PIAS1: variants seen among roughly 807,000 people sequenced by gnomAD.
The protein encoded by PIAS1 is E3 SUMO-protein ligase PIAS1.
PIAS1 carries 6 observed loss-of-function variants against 71.3 expected under a neutral mutation model. The ratio of observed to expected loss-of-function variants is 0.08; its 90% CI spans 0.05 to 0.17. The LOEUF (loss-of-function observed/expected upper bound fraction) is 0.17, where lower values mean the gene tolerates loss of function less well. Among genes scored for constraint, PIAS1 ranks in the 10% least tolerant of loss-of-function variants. The pLI, the probability that PIAS1 is intolerant of heterozygous loss-of-function variation, is 1.00. For missense variants in PIAS1, 555 were observed against 793.6 expected (o/e 0.70, Z 3.61); for synonymous variants, 303 against 292.9 (o/e 1.03, Z -0.35).
chr15:68,058,014 C>T (rs1189645956), intron 1 of PIAS1, among the ~76,000 whole-genome samples: 3 of 152,210 alleles, frequency 2.0e-5, no homozygotes, highest in Non-Finnish European at 4.4e-5. Flanking sequence ...TCCTGGTGAA[C>T]TCCATCAGCA....
chr15:68,092,935 G>A (rs74723442), intron 2 of PIAS1, among the ~76,000 whole-genome samples: 3,187 of 152,274 alleles, frequency 0.021, 113 homozygotes, highest in African/African-American at 0.072. Flanking sequence ...AGCCAATCTA[G>A]TTGAAACCAG....
chr15:68,138,893 G>C (rs990241400), intron 2 of PIAS1, among the ~76,000 whole-genome samples: 2 of 152,182 alleles, frequency 1.3e-5, no homozygotes, highest in Non-Finnish European at 1.5e-5. Context: ...ATTGGAAAGG[G>C]AGGGGCATAT....
rs150183063 is a variant in PIAS1 at position 68,057,428 on chromosome 15, G to T, written c.24+3078G>T. 1,618 of 400,150 alleles carry T rather than the reference G, an allele frequency of 4.0e-3. 9 individuals carry two copies. Among genetic ancestry groups the T allele is most frequent in the Middle Eastern group, 0.015 (42 of 2,726 alleles). 24.8% of individuals were successfully genotyped at this position (400,150 alleles called of 1,614,324 possible). On this transcript the variant is annotated intron_variant, in intron 1 of 13. Transcript: ENST00000249636. ...TAAAGTAATTTAAAAAAAAATATGT[G>T]TTTTTTTGGAGTAAAACTCAAACCA...
At chr15:68,165,467 T>G (rs1256208279) in intron 8 of PIAS1, among the ~76,000 whole-genome samples, 1 of 152,186 alleles carries the variant, frequency 6.6e-6, no homozygotes, top group East Asian at 1.9e-4. Flanking sequence ...AATCTAGCCA[T>G]GATTACCCAC....
At chr15:68,109,145 T>C (rs1357349100) in intron 2 of PIAS1, among the ~76,000 whole-genome samples, 2 of 152,188 alleles carry the variant, frequency 1.3e-5, no homozygotes, top group East Asian at 3.8e-4. Flanking sequence ...TGCTCTTGTC[T>C]TGGGCCTTGG....
intron 2 of PIAS1, among the ~76,000 whole-genome samples, chr15:68,120,370 A>G (rs2092603233): frequency 6.6e-6 from 1 of 150,680 alleles, no homozygotes; most frequent in Non-Finnish European, 1.5e-5. Flanking sequence ...CTTGGTATTT[A>G]TTTTCTTTTT....
At chr15:68,130,194 G>GTTTT (rs1567055444) in intron 2 of PIAS1, among the ~76,000 whole-genome samples, 238 of 151,734 alleles carry the variant, frequency 1.6e-3, no homozygotes, top group African/African-American at 5.5e-3. Context: ...TTAAAAATAG[G>GTTTT]AAAAAAGGTG....
rs1229981295 is a variant in PIAS1 at position 68,171,704 on chromosome 15, GA to G, written c.1009-2027del. Among the ~76,000 whole-genome samples the G allele has an allele frequency of 3.9e-5, 6 of 152,128 alleles. No homozygotes were observed. The highest frequency in any genetic ancestry group is 8.8e-5 in the Non-Finnish European group (6 of 68,032). Reference sequence around the variant, plus strand: ...TAGTGTTAATTTAGAGAAAGTAAAAGAGGCCCAGAAAGGCTAAATGCCTTTC... The same window carrying G: ...TAGTGTTAATTTAGAGAAAGTAAAAGGGCCCAGAAAGGCTAAATGCCTTTC... On this transcript the variant is annotated intron_variant, in intron 8 of 13. Coordinates refer to ENST00000249636, the MANE Select transcript of PIAS1 (RefSeq NM_016166.3). The surrounding 1 kb of genome is among the most constrained non-coding windows in gnomAD (Gnocchi z 4.4).
chr15:68,169,474 G>T (rs2092977159), intron 8 of PIAS1, among the ~76,000 whole-genome samples: 1 of 152,202 alleles, frequency 6.6e-6, no homozygotes, highest in Non-Finnish European at 1.5e-5. Context: ...AGGAGTTTGA[G>T]ACCGGTGTGG....
chr15:68,114,825 TA>T (rs1440214015), intron 2 of PIAS1, among the ~76,000 whole-genome samples: 1 of 152,098 alleles, frequency 6.6e-6, no homozygotes, highest in Admixed American at 6.6e-5. Context: ...TGGAACAATA[TA>T]AAAGATGAAA....
intron 7 of PIAS1, among the ~76,000 whole-genome samples, chr15:68,158,098 C>A (rs2092902987): frequency 6.6e-6 from 1 of 152,156 alleles, no homozygotes; most frequent in Non-Finnish European, 1.5e-5. Flanking sequence ...CATTCCCTTG[C>A]ATTTCATGGC....
chr15:68,188,801 A>C lies in PIAS1; in HGVS notation c.*966A>C, dbSNP rs528076004. On this transcript the variant is annotated 3_prime_UTR_variant, in exon 14 of 14. Transcript: ENST00000249636. ...TTTGGCCACAGAGTAACAAGTTTTC[A>C]TGTAAGATCTTCATACCAAAGTAGG... 3.9e-5 allele frequency: 6 copies of C among 152,202 alleles called. No individual in the cohort carries two copies. Among genetic ancestry groups the C allele is most frequent in the Admixed American group, 1.3e-4 (2 of 15,286 alleles). 9.4% of individuals were successfully genotyped at this position (152,202 alleles called of 1,614,324 possible).
At position 68,179,564 on chromosome 15, in the gene PIAS1, CTTTTTTTTTTTTT is replaced by C. The variant is rs766344324; in HGVS notation, c.1482-1632_1482-1620del. On this transcript the variant is annotated intron_variant, in intron 11 of 13. Coordinates refer to ENST00000249636, the MANE Select transcript of PIAS1 (RefSeq NM_016166.3). ...CAACCTTGTCATCTCGTGAAATGTT[CTTTTTTTTTTTTT>C]TTTTTTTTTTTTTTTGAGACAGAGT... Among the ~76,000 whole-genome samples, 10 of 40,110 alleles carry C rather than the reference CTTTTTTTTTTTTT, an allele frequency of 2.5e-4. No individual in the cohort carries two copies. In the East Asian group the frequency reaches 5.0e-3, roughly 20 times the overall value. The allele number at this position is 40,110 out of a possible 152,430, so 26.3% of individuals were successfully genotyped here.
chr15:68,125,853 T>C (rs927564106), intron 2 of PIAS1, among the ~76,000 whole-genome samples: 1 of 152,044 alleles, frequency 6.6e-6, no homozygotes, highest in Non-Finnish European at 1.5e-5. Flanking sequence ...GCCTGTGTTA[T>C]CATGCCTGGC....
chr15:68,062,210 GATA>G (rs374647396), intron 1 of PIAS1, among the ~76,000 whole-genome samples: 2 of 152,292 alleles, frequency 1.3e-5, no homozygotes, highest in African/African-American at 4.8e-5. Flanking sequence ...AAGTTATAGA[GATA>G]ATAAGTGACT....
intron 6 of PIAS1, among the ~76,000 whole-genome samples, chr15:68,151,330 C>T (rs28618219): frequency 0.011 from 1,703 of 151,964 alleles, 31 homozygotes; most frequent in African/African-American, 0.039. Flanking sequence ...GTGAGCATAC[C>T]TTTTCACTGA....
At position 68,186,227 on chromosome 15, in the gene PIAS1, A is replaced by AGTGG. The variant is rs1368985798; in HGVS notation, c.1663-1313_1663-1310dup. On this transcript the variant is annotated intron_variant, in intron 13 of 13. Coordinates refer to ENST00000249636, the MANE Select transcript of PIAS1 (RefSeq NM_016166.3). This position sits in a 1 kb window ranked among gnomAD's most constrained non-coding sequence, Gnocchi z 4.4. ...ATGCTATTTTCCCTGAAGACCATGC[A>AGTGG]GTGGGACAAGCTGTGCAGATGGAAG... is the stretch of plus-strand genomic sequence containing the variant. Among the ~76,000 whole-genome samples, 1 of 152,228 alleles carries AGTGG rather than the reference A, an allele frequency of 6.6e-6. No individual in the cohort carries two copies. The highest frequency in any genetic ancestry group is 1.9e-4 in the East Asian group (1 of 5,200).
intron 6 of PIAS1, among the ~76,000 whole-genome samples, chr15:68,152,269 TG>T (rs1259155270): frequency 1.3e-5 from 2 of 152,144 alleles, no homozygotes; most frequent in Non-Finnish European, 2.9e-5. Context: ...TAATGTTACT[TG>T]TTCCTCATTA....
At chr15:68,065,605 A>G (rs905011484) in intron 1 of PIAS1, among the ~76,000 whole-genome samples, 1 of 148,438 alleles carries the variant, frequency 6.7e-6, no homozygotes, top group African/African-American at 2.5e-5. Flanking sequence ...AAAAAAAAAG[A>G]AAAAATTTAT....
Sources: gnomAD v4.1 joint callset for allele counts (sites outside exome capture counted in the v4.1 genomes callset) on GRCh38, gnomAD v4.1.1 for gene constraint, Gnocchi (gnomAD v3.1) non-coding constraint, MANE v1.5 for transcripts, NCBI Gene and HGNC (gene_info 2026-07-23, HGNC 2026-07-21) for gene names.